The following RGS17 variants were observed in gnomAD, a reference collection of about 807,000 sequenced individuals.
The protein encoded by RGS17 is regulator of G-protein signaling 17.
Under a neutral mutation model 25.5 loss-of-function variants are expected in RGS17, and 12 were observed. The observed-to-expected ratio is 0.47, with a 90% CI of 0.30 to 0.76. RGS17 has a LOEUF of 0.76. RGS17 is among the 30% of genes least tolerant of loss of function. RGS17 has a pLI of 0.07. For missense variants in RGS17, 196 were observed against 242.2 expected, an observed-to-expected ratio of 0.81 and a Z score of 1.27; for synonymous variants, 71 against 76.9, an observed-to-expected ratio of 0.92 and a Z score of 0.40.
chr6:153,053,680 C>G (rs1349300232), intron 1 of RGS17, among the ~76,000 whole-genome samples: 6 of 151,306 alleles, frequency 4.0e-5, no homozygotes, highest in African/African-American at 1.5e-4. Context: ...TAGGTACTTG[C>G]TACTTGGGAA....
intron 1 of RGS17, among the ~76,000 whole-genome samples, chr6:153,054,010 G>GTA (rs1776508620): frequency 5.1e-5 from 1 of 19,424 alleles, no homozygotes; most frequent in Middle Eastern, 0.023. Flanking sequence ...ACATATATAC[G>GTA]TATATATGTA....
intron 1 of RGS17, among the ~76,000 whole-genome samples, chr6:153,070,945 A>G (rs1776789651): frequency 6.7e-6 from 1 of 150,276 alleles, no homozygotes. Flanking sequence ...GCACATGTGT[A>G]TATCTACATG....
intron 1 of RGS17, among the ~76,000 whole-genome samples, chr6:153,053,288 T>C (rs577106587): frequency 6.6e-6 from 1 of 152,230 alleles, no homozygotes; most frequent in East Asian, 1.9e-4. Context: ...TTAAATACAG[T>C]ATCAACATAA....
At chr6:153,078,410 C>A (rs867250709) in intron 1 of RGS17, among the ~76,000 whole-genome samples, 38 of 152,184 alleles carry the variant, frequency 2.5e-4, no homozygotes, top group Non-Finnish European at 4.4e-4. Flanking sequence ...AACATGGTAT[C>A]TCTTCATATA....
chr6:153,033,613 GA>G (rs2129108303), intron 2 of RGS17, among the ~76,000 whole-genome samples: 1 of 152,272 alleles, frequency 6.6e-6, no homozygotes, highest in African/African-American at 2.4e-5. Flanking sequence ...AGCTACTCAG[GA>G]GGCTGAGGCA....
chr6:153,027,283 A>C (rs1190847097), intron 2 of RGS17, among the ~76,000 whole-genome samples: 1 of 152,070 alleles, frequency 6.6e-6, no homozygotes. Context: ...GAACAAGAAT[A>C]AGAATAAGAA....
intron 1 of RGS17, among the ~76,000 whole-genome samples, chr6:153,070,325 A>G (rs896605560): frequency 1.3e-5 from 2 of 152,168 alleles, no homozygotes; most frequent in Non-Finnish European, 2.9e-5. Flanking sequence ...AGCTTTTAGC[A>G]AAGAATAACT....
intron 1 of RGS17, among the ~76,000 whole-genome samples, chr6:153,099,058 A>G (rs74440456): frequency 0.037 from 5,681 of 152,224 alleles, 139 homozygotes; most frequent in Non-Finnish European, 0.056. Context: ...CACGTTCTAA[A>G]ATGAAATTGA....
intron 2 of RGS17, among the ~76,000 whole-genome samples, chr6:153,043,473 T>G (rs1348648572): frequency 6.8e-6 from 1 of 146,666 alleles, no homozygotes; most frequent in Non-Finnish European, 1.5e-5. Flanking sequence ...CCCTATCAAG[T>G]AGCAGCAGAG....
chr6:153,055,048 G>A (rs1584136862), intron 1 of RGS17, among the ~76,000 whole-genome samples: 1 of 152,204 alleles, frequency 6.6e-6, no homozygotes, highest in Non-Finnish European at 1.5e-5. Flanking sequence ...CACAGAGCAG[G>A]CGGAAGATGC....
chr6:153,066,185 C>A (rs550721763), intron 1 of RGS17, among the ~76,000 whole-genome samples: 1 of 152,012 alleles, frequency 6.6e-6, no homozygotes, highest in African/African-American at 2.4e-5. Context: ...CTAGAAGAAA[C>A]GGACAAATTC....
chr6:153,019,895 G>A (rs948513844), intron 4 of RGS17, among the ~76,000 whole-genome samples: 1 of 151,606 alleles, frequency 6.6e-6, no homozygotes, highest in Non-Finnish European at 1.5e-5. Context: ...ACCAAAATCT[G>A]CAATGTGGAG....
At chr6:153,082,200 G>A (rs879034910) in intron 1 of RGS17, among the ~76,000 whole-genome samples, 6 of 152,254 alleles carry the variant, frequency 3.9e-5, no homozygotes, top group African/African-American at 7.2e-5. Flanking sequence ...GTATATTGGC[G>A]TGGTTTATCT....
intron 3 of RGS17, among the ~76,000 whole-genome samples, chr6:153,025,832 T>A (rs2129107115): frequency 6.6e-6 from 1 of 151,904 alleles, no homozygotes; most frequent in South Asian, 2.1e-4. Context: ...AGATTGTTAC[T>A]ATTCCATAAT....
chr6:153,086,410 G>A (rs1469199336), intron 1 of RGS17, among the ~76,000 whole-genome samples: 7 of 152,110 alleles, frequency 4.6e-5, no homozygotes, highest in Non-Finnish European at 1.0e-4. Flanking sequence ...TGGCCTGCCC[G>A]TAAGTTATGC....
intron 2 of RGS17, among the ~76,000 whole-genome samples, chr6:153,030,860 A>T (rs974577201): frequency 6.6e-6 from 1 of 152,214 alleles, no homozygotes; most frequent in African/African-American, 2.4e-5. Context: ...ATCACATGGC[A>T]TTGTGATAAG....
At chr6:153,112,740 C>CATGT (rs1345669831) in intron 1 of RGS17, among the ~76,000 whole-genome samples, 1 of 151,952 alleles carries the variant, frequency 6.6e-6, no homozygotes, top group Non-Finnish European at 1.5e-5. Flanking sequence ...AGAAACCCTA[C>CATGT]AAGCCAGAAG....
rs545984627 is a variant in RGS17, at chr6:153,085,759, ATT to A, written c.-25-41718_-25-41717del. On this transcript the variant is annotated intron_variant, in intron 1 of 4. Transcript: ENST00000206262. ...GCTACATTTCCTTCATTACTCTTAC[ATT>A]TTTTTCTTTAACAAATCCATTAAGT... Among the ~76,000 whole-genome samples, 4 of 152,094 alleles carry A rather than the reference ATT, an allele frequency of 2.6e-5. No homozygotes were observed. In the East Asian group the frequency reaches 7.7e-4, roughly 29 times the overall value.
At chr6:153,127,853 T>C (rs901678700) in intron 1 of RGS17, among the ~76,000 whole-genome samples, 2 of 152,184 alleles carry the variant, frequency 1.3e-5, no homozygotes, top group African/African-American at 4.8e-5. Flanking sequence ...AAAATGCAAT[T>C]CTTACCTTGG....
Sources: allele counts gnomAD v4.1 joint callset (sites outside exome capture counted in the v4.1 genomes callset), GRCh38; gene constraint gnomAD v4.1.1; transcripts MANE v1.5; gene names NCBI Gene and HGNC (gene_info 2026-07-23, HGNC 2026-07-21).